KAZN: variants seen among roughly 807,000 people sequenced by gnomAD.
KAZN encodes the protein kazrin, periplakin interacting protein.
In KAZN, 40 loss-of-function variants were observed where a neutral mutation model predicts 87.4. The ratio of observed to expected loss-of-function variants is 0.46; its 90% CI spans 0.36 to 0.60. The LOEUF (loss-of-function observed/expected upper bound fraction) is 0.60, where lower values mean the gene tolerates loss of function less well. KAZN is among the 20% of genes least tolerant of loss of function. The pLI, the probability that KAZN is intolerant of heterozygous loss-of-function variation, is 0.00. For missense variants in KAZN, 898 were observed against 1,073.9 expected, an observed-to-expected ratio of 0.84 and a Z score of 2.29; for synonymous variants, 466 against 458.3, an observed-to-expected ratio of 1.02 and a Z score of -0.22.
rs571225271 is a variant in KAZN, at chr1:14,598,929, G to T, written c.-69G>T. On this transcript the variant is annotated 5_prime_UTR_variant, in exon 1 of 15. Transcript: ENST00000376030. This position sits in a 1 kb window ranked among gnomAD's most constrained non-coding sequence, Gnocchi z 4.2. Reference sequence around the variant, plus strand: ...ACAACAGGTAGAGCCGGGGGTGCCCGGCCGCGCGCCCCCCGCGCATCATGC... The same window carrying T: ...ACAACAGGTAGAGCCGGGGGTGCCCTGCCGCGCGCCCCCCGCGCATCATGC... 2 of 1,553,480 alleles carry T rather than the reference G, an allele frequency of 1.3e-6. No homozygotes were observed. Among genetic ancestry groups the T allele is most frequent in the Non-Finnish European group, 1.7e-6 (2 of 1,154,696 alleles).
At chr1:14,102,912 C>CTT (rs140592376) in intron 1 of KAZN, among the ~76,000 whole-genome samples, 3,540 of 149,462 alleles carry the variant, frequency 0.024, 156 homozygotes, top group African/African-American at 0.08. Context: ...ACTAATCTCT[C>CTT]TCTTTTTTTT....
intron 1 of KAZN, among the ~76,000 whole-genome samples, chr1:14,664,372 G>A (rs905575817): frequency 1.3e-5 from 2 of 152,172 alleles, no homozygotes; most frequent in Admixed American, 1.3e-4. Flanking sequence ...GGCAGAGGTT[G>A]CAGTGAGCCA....
At chr1:14,632,717 A>G (rs537964105) in intron 1 of KAZN, among the ~76,000 whole-genome samples, 17 of 152,028 alleles carry the variant, frequency 1.1e-4, no homozygotes, top group Non-Finnish European at 2.2e-4. Flanking sequence ...CGCAAGTGTA[A>G]ACCTGGCAGA....
chr1:14,695,853 G>A (rs1266690913), intron 1 of KAZN, among the ~76,000 whole-genome samples: 2 of 151,918 alleles, frequency 1.3e-5, no homozygotes, highest in African/African-American at 4.8e-5. Context: ...ATAGCTTTTA[G>A]GGGTGCTATA....
chr1:14,958,121 A>C (rs148676923), intron 1 of KAZN, among the ~76,000 whole-genome samples: 1 of 152,204 alleles, frequency 6.6e-6, no homozygotes, highest in South Asian at 2.1e-4. Flanking sequence ...CCTCCCCTGG[A>C]CCTGGCTCTG....
intron 2 of KAZN, among the ~76,000 whole-genome samples, chr1:14,479,515 C>T (rs1887858): frequency 0.35 from 53,154 of 152,130 alleles, 9,918 homozygotes; most frequent in East Asian, 0.59. Context: ...CATTCATTTT[C>T]TTCCACCTCC....
chr1:14,596,208 C>G (rs1030517484), upstream of KAZN, among the ~76,000 whole-genome samples: 1 of 152,212 alleles, frequency 6.6e-6, no homozygotes, highest in African/African-American at 2.4e-5. Flanking sequence ...CCCCCACCCA[C>G]AAGTTCCCAG....
intron 1 of KAZN, among the ~76,000 whole-genome samples, chr1:14,781,794 A>C (rs1645357675): frequency 6.6e-6 from 1 of 152,174 alleles, no homozygotes; most frequent in South Asian, 2.1e-4. Context: ...AAACAGCACA[A>C]TCTCTGGCAC....
chr1:14,364,669 G>A (rs764857381), intron 2 of KAZN, among the ~76,000 whole-genome samples: 3 of 152,134 alleles, frequency 2.0e-5, no homozygotes, highest in Non-Finnish European at 2.9e-5. Flanking sequence ...ACCACAAACT[G>A]GGTGACTTAA....
intron 2 of KAZN, among the ~76,000 whole-genome samples, chr1:14,351,335 G>A (rs1658536482): frequency 6.6e-6 from 1 of 152,216 alleles, no homozygotes; most frequent in Non-Finnish European, 1.5e-5. Flanking sequence ...GGAGGCCGAG[G>A]TGGGCAGATC....
chr1:15,109,795 ATGTGTATG>A (rs1557805529), intron 13 of KAZN, among the ~76,000 whole-genome samples: 2 of 148,918 alleles, frequency 1.3e-5, no homozygotes, highest in Non-Finnish European at 3.0e-5. Context: ...GTTTGTGTGT[ATGTGTATG>A]TGTGTGTTGT....
intron 2 of KAZN, among the ~76,000 whole-genome samples, chr1:14,968,481 G>C (rs1188011846): frequency 2.6e-5 from 4 of 152,204 alleles, no homozygotes; most frequent in African/African-American, 9.7e-5. Flanking sequence ...CCACTGCATT[G>C]TGTCACTTTG....
At chr1:14,567,730 T>G (rs1225530682) in intron 2 of KAZN, among the ~76,000 whole-genome samples, 1 of 152,244 alleles carries the variant, frequency 6.6e-6, no homozygotes, top group Non-Finnish European at 1.5e-5. Context: ...TTTCTGTTTT[T>G]GTTTTGAGTC....
intron 2 of KAZN, among the ~76,000 whole-genome samples, chr1:14,234,769 G>A (rs555326487): frequency 1.3e-5 from 2 of 152,350 alleles, no homozygotes; most frequent in East Asian, 3.9e-4. Flanking sequence ...GTTAGCTAAA[G>A]CAAAGGAGAG....
At chr1:14,379,088 C>A (rs1409512724) in intron 2 of KAZN, among the ~76,000 whole-genome samples, 1 of 148,648 alleles carries the variant, frequency 6.7e-6, no homozygotes, top group Non-Finnish European at 1.5e-5. Context: ...TCATGAGGCC[C>A]CATTTCCAGG....
intron 2 of KAZN, among the ~76,000 whole-genome samples, chr1:14,188,941 A>T (rs1646369827): frequency 2.0e-5 from 3 of 152,132 alleles, no homozygotes. Flanking sequence ...TTATAATCTT[A>T]AAAAAATTGC....
At chr1:14,748,371 C>T (rs576004732) in intron 1 of KAZN, among the ~76,000 whole-genome samples, 3 of 152,304 alleles carry the variant, frequency 2.0e-5, no homozygotes, top group East Asian at 3.9e-4. Context: ...TGGGCATCAT[C>T]GCATGGCTGG....
At chr1:15,103,551 A>G in intron 12 of KAZN, 91 bp downstream of exon 12, 1 of 838,124 alleles carries the variant, frequency 1.2e-6, no homozygotes, top group Non-Finnish European at 2.0e-6. Context: ...ATCACATGCA[A>G]ATCAATATGC....
intron 2 of KAZN, among the ~76,000 whole-genome samples, chr1:14,388,399 G>A (rs1159779727): frequency 6.6e-6 from 1 of 152,104 alleles, no homozygotes; most frequent in Non-Finnish European, 1.5e-5. Context: ...AATAGCCAAG[G>A]CTATCCTAAA....
Sources: allele counts gnomAD v4.1 joint callset (sites outside exome capture counted in the v4.1 genomes callset), GRCh38; gene constraint gnomAD v4.1.1; non-coding constraint Gnocchi (gnomAD v3.1); transcripts MANE v1.5; gene names NCBI Gene and HGNC (gene_info 2026-07-23, HGNC 2026-07-21).